ZNF106: variants seen among roughly 807,000 people sequenced by gnomAD.
ZNF106 encodes the protein zinc finger protein 106, also known as SH3-domain binding protein 3.
In ZNF106, 67 loss-of-function variants were observed where a neutral mutation model predicts 195.1. The ratio of observed to expected loss-of-function variants is 0.34; its 90% confidence interval spans 0.28 to 0.42. The LOEUF (loss-of-function observed/expected upper bound fraction) is 0.42, where lower values mean the gene tolerates loss of function less well. ZNF106 is among the 10% of genes least tolerant of loss of function. The pLI, the probability that ZNF106 is intolerant of heterozygous loss-of-function variation, is 1.00. For missense variants in ZNF106, 2,118 were observed against 2,304.5 expected, an observed-to-expected ratio of 0.92 and a Z score of 1.66; for synonymous variants, 784 against 818.6, an observed-to-expected ratio of 0.96 and a Z score of 0.72.
chr15:42,490,550 A>T (rs529378701), intron 1 of ZNF106: 6 of 152,168 alleles, frequency 3.9e-5, no homozygotes, highest in South Asian at 4.1e-4. Flanking sequence ...ATCAAGACGC[A>T]TCCCACAAGG....
intron 1 of ZNF106, among the ~76,000 whole-genome samples, chr15:42,482,536 T>G (rs962356316): frequency 1.4e-5 from 2 of 140,394 alleles, no homozygotes; most frequent in South Asian, 4.7e-4. Context: ...TTTTTTTTTT[T>G]TTTTTTTTTT....
rs2054332330 is a variant in ZNF106 at position 42,413,330 on chromosome 15, C to G, written c.*3974G>C. On this transcript the variant is annotated 3_prime_UTR_variant, in exon 22 of 22. Coordinates refer to ENST00000564754, the MANE Select transcript of ZNF106 (RefSeq NM_001366845.3). ...GTCTATTAGACCACTTCTCTTAAAC[C>G]CGAGGAACCTGATGATTTGGGGGCA... The G allele has an allele frequency of 6.6e-6, 1 of 152,182 alleles. No homozygotes were observed. Among genetic ancestry groups the G allele is most frequent in the South Asian group, 2.1e-4 (1 of 4,828 alleles). 9.4% of individuals were successfully genotyped at this position (152,182 alleles called of 1,614,324 possible).
intron 6 of ZNF106, among the ~76,000 whole-genome samples, chr15:42,447,400 G>T (rs2055811876): frequency 6.6e-6 from 1 of 152,034 alleles, no homozygotes; most frequent in Non-Finnish European, 1.5e-5. Flanking sequence ...ATGAAGAGAA[G>T]AACCCATTTT....
rs2054798907 is a variant in ZNF106 at position 42,424,913 on chromosome 15, G to A, written c.5111C>T (p.Thr1704Ile). The change falls in exon 16 of 22, where the codon ACA becomes ATA. Residue 1704 changes from threonine (T) to isoleucine (I), a missense_variant. By Grantham distance (89) the Thr-to-Ile change is moderately conservative (BLOSUM62 -1). Transcript: ENST00000564754. ...KLLVVGSYDC[T>I]ISVRDARNGL... ...ATTCCGGGCATCGCGTACACTAATTGTGCAGTCATAAGACCCCACGACCAG... is the reference window on the plus strand; with the variant it reads ...ATTCCGGGCATCGCGTACACTAATTATGCAGTCATAAGACCCCACGACCAG... 6.2e-7 allele frequency: 1 copy of A among 1,614,164 alleles called. No individual in the cohort carries two copies. The highest frequency in any genetic ancestry group is 1.1e-5 in the South Asian group (1 of 91,078).
chr15:42,420,978 C>A (rs2054631196), intron 20 of ZNF106, 83 bp downstream of exon 20: 1 of 1,216,584 alleles, frequency 8.2e-7, no homozygotes, highest in South Asian at 1.2e-5. Context: ...AAATGCTACA[C>A]TGATGATAAT....
chr15:42,437,389 G>A lies in ZNF106; in HGVS notation c.4601-12C>T, dbSNP rs766346627. 1.2e-6 allele frequency: 2 copies of A among 1,612,770 alleles called. No individual in the cohort carries two copies. Among genetic ancestry groups the A allele is most frequent in the Admixed American group, 1.7e-5 (1 of 59,588 alleles). ...CTCTGAAGATATTTCTGGAAAACAA[G>A]AATAGGTTTCAGAGACATGTCTGCT... On this transcript the variant is annotated splice_polypyrimidine_tract_variant and intron_variant, in intron 12 of 21. Transcript: ENST00000564754.
Position 42,439,299 on chromosome 15 carries a change from G to C in ZNF106, c.4278C>G (p.Asp1426Glu). 1.2e-6 allele frequency: 2 copies of C among 1,614,098 alleles called. No homozygotes were observed. Among genetic ancestry groups the C allele is most frequent in the Non-Finnish European group, 1.7e-6 (2 of 1,180,036 alleles). The part of the protein sequence containing the change: ...GGKVTTSTWE[D>E]SRTGREQESV... ...TCTCCTGCTCCCGACCAGTCCTGCT[G>C]TCTTCCCAAGTGGAGGTTGTTACTT... Residue 1426 changes from aspartate (D) to glutamate (E), a missense_variant, in exon 11 of 22, where the codon GAC becomes GAG. Coordinates refer to ENST00000564754, the MANE Select transcript of ZNF106 (RefSeq NM_001366845.3).
rs1471314962 is a variant in ZNF106 at position 42,448,389 on chromosome 15, G to A, written c.2818C>T (p.Arg940Trp). The change falls in exon 6 of 22, where the codon CGG (arginine) becomes TGG (tryptophan). Residue 940 changes from arginine (R) to tryptophan (W), a missense_variant. Arg to Trp is a moderately radical substitution (Grantham distance 101). Coordinates refer to ENST00000564754, the MANE Select transcript of ZNF106 (RefSeq NM_001366845.3). Reference sequence around the variant, plus strand: ...TCACCTGTTCGGAGGGAGGCAGCCCGAGGTGTCACTTCTTGTTTGAGGTGC... The same window carrying A: ...TCACCTGTTCGGAGGGAGGCAGCCCAAGGTGTCACTTCTTGTTTGAGGTGC... ...TMHLKQEVTP[R>W]AASLRTGERA... 1.7e-5 allele frequency: 27 copies of A among 1,614,128 alleles called. No individual in the cohort carries two copies. The highest frequency in any genetic ancestry group is 2.2e-5 in the East Asian group (1 of 44,878).
chr15:42,452,501 T>C (rs2056071502), intron 4 of ZNF106, among the ~76,000 whole-genome samples: 1 of 151,980 alleles, frequency 6.6e-6, no homozygotes, highest in Non-Finnish European at 1.5e-5. Context: ...CCAGCCTGGG[T>C]AACACAGTGA....
chr15:42,476,475 C>T (rs1401805344), intron 1 of ZNF106, among the ~76,000 whole-genome samples: 2 of 152,144 alleles, frequency 1.3e-5, no homozygotes. Flanking sequence ...CTGCCATCCT[C>T]ACTTTAGTCA....
In ZNF106 at chr15:42,448,464, C is replaced by A. The variant is rs760805847; in HGVS notation, c.2743G>T (p.Val915Phe). The change falls in exon 6 of 22, where the codon GTT becomes TTT. Residue 915 changes from valine (V) to phenylalanine (F), a missense_variant. By Grantham distance (50) the Val-to-Phe change is conservative. Transcript: ENST00000564754. ...GCCCTCAATGAGTTACTAGGTGAAACCATCTGCTGGGGCTCATTTTCTTTG... is the reference window on the plus strand; with the variant it reads ...GCCCTCAATGAGTTACTAGGTGAAAACATCTGCTGGGGCTCATTTTCTTTG... ...TGKENEPQQMVSPSNSLRAGQ... is the reference protein window; with the variant it reads ...TGKENEPQQMFSPSNSLRAGQ... 1.3e-5 allele frequency: 21 copies of A among 1,614,122 alleles called. 1 individual carries two copies. In the South Asian group the frequency reaches 2.3e-4, roughly 18 times the overall value.
chr15:42,466,861 G>A (rs930030850), intron 2 of ZNF106, among the ~76,000 whole-genome samples: 16 of 152,110 alleles, frequency 1.1e-4, no homozygotes, highest in Admixed American at 7.9e-4. Flanking sequence ...ACGGCTGGGC[G>A]TGGTGGGTCA....
In ZNF106 at chr15:42,416,836, T is replaced by TA. The variant is rs1301441317; in HGVS notation, c.*467dup. ...GCTTCCAGTTTAAATACCCAGCTAT[T>TA]ACAAATGGAGAAATTAAAACTGATC... On this transcript the variant is annotated 3_prime_UTR_variant, in exon 22 of 22. Transcript: ENST00000564754. 1 of 152,924 alleles carries TA rather than the reference T, an allele frequency of 6.5e-6. No individual in the cohort carries two copies. Among genetic ancestry groups the TA allele is most frequent in the Non-Finnish European group, 1.5e-5 (1 of 68,564 alleles). 9.5% of individuals were successfully genotyped at this position (152,924 alleles called of 1,614,324 possible). A position where few individuals can be genotyped will look rare whatever the true frequency, so the allele number is the denominator to read the frequency against.
rs1567034061 is a variant in ZNF106, at chr15:42,481,358, T to TTG, written c.-32-9038_-32-9037insCA. ...ATTCTTTCTGTTTTTTTTTTTGTTGTTTTTTTTTTTTTTTTTTGAGACAGA... is the reference window on the plus strand; with the variant it reads ...ATTCTTTCTGTTTTTTTTTTTGTTGTTGTTTTTTTTTTTTTTTTTGAGACAGA... On this transcript the variant is annotated intron_variant, in intron 1 of 21. Transcript: ENST00000564754. Among the ~76,000 whole-genome samples the TTG allele has an allele frequency of 3.3e-3, 292 of 88,206 alleles. 2 individuals carry two copies. Among genetic ancestry groups the TTG allele is most frequent in the African/African-American group, 0.014 (234 of 16,934 alleles). 57.9% of individuals were successfully genotyped at this position (88,206 alleles called of 152,430 possible).
chr15:42,441,198 C>A (rs2055523554), intron 10 of ZNF106, among the ~76,000 whole-genome samples: 1 of 146,682 alleles, frequency 6.8e-6, no homozygotes. Context: ...AAAAAATTAG[C>A]CGGGCATGGT....
intron 4 of ZNF106, among the ~76,000 whole-genome samples, chr15:42,454,828 A>G (rs922620598): frequency 6.6e-6 from 1 of 151,872 alleles, no homozygotes; most frequent in Non-Finnish European, 1.5e-5. Flanking sequence ...GAGCCTAGGA[A>G]GTTGAGGCTG....
chr15:42,452,072 G>A, intron 4 of ZNF106, 118 bp from the exon 5 acceptor site: 1 of 1,152,500 alleles, frequency 8.7e-7, no homozygotes, highest in East Asian at 2.4e-5. Flanking sequence ...ATGTAACCGA[G>A]TCTGGTTTTA....
chr15:42,432,995 T>C lies in ZNF106; in HGVS notation c.4881+2389A>G, dbSNP rs138525052. On this transcript the variant is annotated intron_variant, in intron 14 of 21. Coordinates refer to ENST00000564754, the MANE Select transcript of ZNF106 (RefSeq NM_001366845.3). The stretch of plus-strand genomic sequence containing the variant: ...TCAGTTCACTCACATTTCATATAAT[T>C]ATTAAATATGGGTAAATTTAGGTCT... Among the ~76,000 whole-genome samples the C allele has an allele frequency of 6.6e-5, 10 of 152,302 alleles. No individual in the cohort carries two copies. The East Asian group carries it at 1.9e-3, about 29-fold the overall frequency.
At chr15:42,478,427 G>T (rs1470914602) in intron 1 of ZNF106, among the ~76,000 whole-genome samples, 3 of 151,202 alleles carry the variant, frequency 2.0e-5, no homozygotes, top group Admixed American at 2.0e-4. Context: ...CTCCCAAAGT[G>T]TTGGGATTAC....
Sources: allele counts gnomAD v4.1 joint callset (sites outside exome capture counted in the v4.1 genomes callset), GRCh38; gene constraint gnomAD v4.1.1; transcripts MANE v1.5; gene names NCBI Gene and HGNC (gene_info 2026-07-23, HGNC 2026-07-21).